Variants in SLC9A9 observed in about 807,000 individuals in gnomAD.
The protein encoded by SLC9A9 is solute carrier family 9 member A9, also known as sodium/hydrogen exchanger 9.
A neutral mutation model predicts 77.8 loss-of-function variants in SLC9A9; 62 were observed. The ratio of observed to expected loss-of-function variants is 0.80; its 90% CI spans 0.65 to 0.98. The LOEUF is 0.98. SLC9A9 is among the 50% of genes least tolerant of loss of function. The pLI is 0.00. For missense variants in SLC9A9, 775 were observed against 774.9 expected (o/e 1.00, Z 0.00); for synonymous variants, 320 against 283.5 (o/e 1.13, Z -1.29).
chr3:143,292,075 T>A (rs894026399), intron 14 of SLC9A9, among the ~76,000 whole-genome samples: 15 of 152,154 alleles, frequency 9.9e-5, no homozygotes, highest in African/African-American at 3.4e-4. Context: ...GCTGGATGAG[T>A]GGCCATGAGC....
chr3:143,394,761 A>G (rs1008781039), intron 12 of SLC9A9, among the ~76,000 whole-genome samples: 1 of 152,248 alleles, frequency 6.6e-6, no homozygotes, highest in East Asian at 1.9e-4. Context: ...AAGTCTCAGG[A>G]TACAAAATCA....
intron 2 of SLC9A9, among the ~76,000 whole-genome samples, chr3:143,809,931 T>C (rs2008819683): frequency 6.6e-6 from 1 of 152,202 alleles, no homozygotes; most frequent in South Asian, 2.1e-4. Flanking sequence ...GAATTTAAAA[T>C]TTATACTATT....
rs1559922041 is a variant in SLC9A9 at position 143,450,041 on chromosome 3, G to GCATATATACATATAA, written c.1469+16995_1469+16996insTTATATGTATATATG. ...ATACATATAATATATATACATATAT[G>GCATATATACATATAA]TATATATACACACATATATAATATG... On this transcript the variant is annotated intron_variant, in intron 12 of 15. Transcript: ENST00000316549. Among the ~76,000 whole-genome samples, 144 of 101,584 alleles carry GCATATATACATATAA rather than the reference G, an allele frequency of 1.4e-3. 5 individuals are homozygous for GCATATATACATATAA. Among genetic ancestry groups the GCATATATACATATAA allele is most frequent in the African/African-American group, 5.6e-3 (138 of 24,830 alleles). The allele number at this position is 101,584 out of a possible 152,430, so 66.6% of individuals were successfully genotyped here.
rs576013614 is a variant in SLC9A9, at chr3:143,467,102, G to A, written c.1404C>T (p.Leu468=). The change falls in exon 12 of 16, where the codon CTC becomes CTT. Residue 468 remains leucine, a synonymous_variant. Transcript: ENST00000316549. The part of the protein sequence containing the change: ...KQMMFTTTLL[L]VFFTVWVFGG... ...CAAATACCCAGACAGTGAAGAACAC[G>A]AGGAGCAGCGTAGTGGTAAACATCA... 71 of 1,614,140 alleles carry A rather than the reference G, an allele frequency of 4.4e-5. No individual in the cohort carries two copies. Among genetic ancestry groups the A allele is most frequent in the East Asian group, 2.0e-4 (9 of 44,846 alleles).
chr3:143,527,030 G>C (rs910624098), intron 9 of SLC9A9, among the ~76,000 whole-genome samples: 1 of 152,154 alleles, frequency 6.6e-6, no homozygotes, highest in Admixed American at 6.5e-5. Context: ...TTATTTTAAA[G>C]TAAGTTTTTT....
chr3:143,426,828 A>G (rs1231458070), intron 12 of SLC9A9, among the ~76,000 whole-genome samples: 2 of 152,186 alleles, frequency 1.3e-5, no homozygotes, highest in Non-Finnish European at 2.9e-5. Context: ...TAATCCTCAC[A>G]AGGACCCTCT....
intron 4 of SLC9A9, among the ~76,000 whole-genome samples, chr3:143,753,359 T>C (rs1427863069): frequency 2.0e-5 from 3 of 152,218 alleles, no homozygotes; most frequent in African/African-American, 7.2e-5. Context: ...ACATCAAACA[T>C]TGATTAAAAG....
chr3:143,281,997 C>A lies in SLC9A9; in HGVS notation c.1605-13017G>T, dbSNP rs541711195. 2.0e-5 allele frequency among the ~76,000 whole-genome samples: 3 copies of A among 152,322 alleles called. No individual in the cohort carries two copies. The South Asian group carries it at 6.2e-4, about 32-fold the overall frequency. On this transcript the variant is annotated intron_variant, in intron 14 of 15. Coordinates refer to ENST00000316549, the MANE Select transcript of SLC9A9 (RefSeq NM_173653.4). ...GTTTCACTATCTCTCTGGGCCTTTGCAAATGCTGTTCCCTCCATTTGGACA... is the reference window on the plus strand; with the variant it reads ...GTTTCACTATCTCTCTGGGCCTTTGAAAATGCTGTTCCCTCCATTTGGACA...
At chr3:143,574,555 GAGATGCTGCA>G (rs2108658842) in intron 7 of SLC9A9, among the ~76,000 whole-genome samples, 1 of 152,252 alleles carries the variant, frequency 6.6e-6, no homozygotes, top group South Asian at 2.1e-4. Context: ...GTAGGGGGAT[GAGATGCTGCA>G]AGTATGTCAG....
At chr3:143,605,825 A>T (rs1202435388) in intron 6 of SLC9A9, among the ~76,000 whole-genome samples, 3 of 152,246 alleles carry the variant, frequency 2.0e-5, no homozygotes, top group African/African-American at 7.2e-5. Flanking sequence ...AGCCATTAAA[A>T]GATGGTTCCA....
chr3:143,816,163 A>G lies in SLC9A9; in HGVS notation c.378+15856T>C, dbSNP rs2009011288. Among the ~76,000 whole-genome samples, 3 of 152,164 alleles carry G rather than the reference A, an allele frequency of 2.0e-5. No homozygotes were observed. The South Asian group carries it at 6.2e-4, about 32-fold the overall frequency. On this transcript the variant is annotated intron_variant, in intron 2 of 15. Transcript: ENST00000316549. The stretch of plus-strand genomic sequence containing the variant: ...CCATTACTGTATTTATGTATTTCAT[A>G]TATGTGTAGTCGTAAACCATAGTTA...
chr3:143,541,781 T>C (rs551650080), intron 9 of SLC9A9, among the ~76,000 whole-genome samples: 30 of 152,334 alleles, frequency 2.0e-4, no homozygotes, highest in African/African-American at 6.7e-4. Flanking sequence ...TTTGATTTCA[T>C]GACTTAAAAT....
chr3:143,347,371 G>C (rs2032316377), intron 14 of SLC9A9, among the ~76,000 whole-genome samples: 2 of 152,132 alleles, frequency 1.3e-5, no homozygotes, highest in African/African-American at 4.8e-5. Flanking sequence ...TGGATGATGA[G>C]AAAGATAAAA....
At chr3:143,785,616 G>GT (rs1331232750) in intron 4 of SLC9A9, among the ~76,000 whole-genome samples, 1 of 152,120 alleles carries the variant, frequency 6.6e-6, no homozygotes, top group East Asian at 1.9e-4. Context: ...TTTGGGGGTA[G>GT]TTTGTGACAT....
At chr3:143,328,832 G>T (rs2031681725) in intron 14 of SLC9A9, among the ~76,000 whole-genome samples, 1 of 152,206 alleles carries the variant, frequency 6.6e-6, no homozygotes, top group South Asian at 2.1e-4. Flanking sequence ...TGGTAACAAT[G>T]CCTGGATCAT....
intron 13 of SLC9A9, among the ~76,000 whole-genome samples, chr3:143,371,404 A>G (rs1460398079): frequency 2.0e-5 from 3 of 152,210 alleles, no homozygotes; most frequent in Admixed American, 1.3e-4. Flanking sequence ...CAAGATTTTA[A>G]TGGCTTGACT....
chr3:143,574,160 T>A lies in SLC9A9; in HGVS notation c.928A>T (p.Met310Leu). ...TKFTKLCEFP[M>L]LETGLFFLLS... ...AGGAAAAACAGGCCGGTTTCCAGCATCGGGAACTCACACAGCTTGGTAAAT... is the reference window on the plus strand; with the variant it reads ...AGGAAAAACAGGCCGGTTTCCAGCAACGGGAACTCACACAGCTTGGTAAAT... Residue 310 changes from methionine to leucine, a missense_variant, in exon 8 of 16, where the codon ATG becomes TTG. Coordinates refer to ENST00000316549, the MANE Select transcript of SLC9A9 (RefSeq NM_173653.4). 1.9e-6 allele frequency: 3 copies of A among 1,613,496 alleles called. No individual in the cohort carries two copies. Among genetic ancestry groups the A allele is most frequent in the Non-Finnish European group, 2.5e-6 (3 of 1,179,606 alleles).
intron 5 of SLC9A9, among the ~76,000 whole-genome samples, chr3:143,678,803 T>C (rs374784026): frequency 2.0e-5 from 3 of 152,200 alleles, no homozygotes; most frequent in South Asian, 4.1e-4. Context: ...TCATTGAAAT[T>C]ACCTTAAATT....
At chr3:143,549,617 T>C (rs1576570491) in intron 9 of SLC9A9, among the ~76,000 whole-genome samples, 1 of 152,106 alleles carries the variant, frequency 6.6e-6, no homozygotes, top group Non-Finnish European at 1.5e-5. Flanking sequence ...TCTGTAAAAA[T>C]GAATGCTGGC....
Sources: allele counts gnomAD v4.1 joint callset (sites outside exome capture counted in the v4.1 genomes callset), GRCh38; gene constraint gnomAD v4.1.1; transcripts MANE v1.5; gene names NCBI Gene and HGNC (gene_info 2026-07-23, HGNC 2026-07-21).